Variants in AKAP10 observed in about 807,000 individuals in gnomAD.
AKAP10 encodes the protein A-kinase anchor protein 10, mitochondrial.
A neutral mutation model predicts 80.8 loss-of-function variants in AKAP10; 24 were observed. That is an observed-to-expected ratio of 0.30 (90% CI 0.22 to 0.42). The LOEUF is 0.42. Ranked by LOEUF, AKAP10 falls within the 10% of genes least tolerant of loss-of-function variation. The probability of loss-of-function intolerance (pLI) is 1.00; values close to 1 mark genes in which losing one functional copy is unlikely to be tolerated. For missense variants in AKAP10, 661 were observed against 794.9 expected, an observed-to-expected ratio of 0.83 and a Z score of 2.03; for synonymous variants, 291 against 277.7, an observed-to-expected ratio of 1.05 and a Z score of -0.48.
intron 3 of AKAP10, among the ~76,000 whole-genome samples, chr17:19,960,209 T>C (rs1309743796): frequency 2.0e-5 from 3 of 152,228 alleles, no homozygotes; most frequent in African/African-American, 7.2e-5. Flanking sequence ...TTGTTCAGAT[T>C]TCCCCAGTTT....
At chr17:19,932,967 T>C (rs1210777811) in intron 9 of AKAP10, among the ~76,000 whole-genome samples, 2 of 152,148 alleles carry the variant, frequency 1.3e-5, no homozygotes, top group South Asian at 2.1e-4. Flanking sequence ...TGAGAACTTA[T>C]TCAGTATAAT....
intron 3 of AKAP10, 103 bp from the exon 4 acceptor site, chr17:19,958,674 A>C: frequency 1.0e-6 from 1 of 974,652 alleles, no homozygotes; most frequent in Non-Finnish European, 1.5e-6. Context: ...GAGACCTTGA[A>C]TAAAGTTTAC....
intron 8 of AKAP10, 34 bp from the exon 9 acceptor site, chr17:19,936,464 T>C (rs1248475187): frequency 6.3e-7 from 1 of 1,578,500 alleles, no homozygotes; most frequent in Non-Finnish European, 8.6e-7. Flanking sequence ...TAAAATCAAA[T>C]TCCATAGCAA....
intron 4 of AKAP10, among the ~76,000 whole-genome samples, chr17:19,951,635 C>T (rs559713479): frequency 1.3e-5 from 2 of 152,138 alleles, no homozygotes; most frequent in South Asian, 4.2e-4. Context: ...TATTACCACT[C>T]AGGGTTAAAT....
At position 19,962,948 on chromosome 17, in the gene AKAP10, C is replaced by A; in HGVS notation, c.211G>T (p.Val71Phe). 1 of 1,614,052 alleles carries A rather than the reference C, an allele frequency of 6.2e-7. No homozygotes were observed. The highest frequency in any genetic ancestry group is 8.5e-7 in the Non-Finnish European group (1 of 1,179,952). Reference protein sequence around the residue: ...ALLEAAGPSHVAINAISANMD... With the variant: ...ALLEAAGPSHFAINAISANMD... ...TTGGCAGAAATGGCATTGATTGCAA[C>A]ATGACTTGGTCCTGCAGCCTCCAGC... Residue 71 changes from valine (V) to phenylalanine (F), a missense_variant, in exon 3 of 15, where the codon GTT (valine) becomes TTT (phenylalanine). Coordinates refer to ENST00000225737, the MANE Select transcript of AKAP10 (RefSeq NM_007202.4).
intron 12 of AKAP10, among the ~76,000 whole-genome samples, chr17:19,913,150 ATTG>A (rs1190060432): frequency 1.1e-4 from 12 of 113,752 alleles, no homozygotes; most frequent in African/African-American, 3.8e-4. Context: ...CGCCTGGCTA[ATTG>A]TTTTTTTTTT....
intron 5 of AKAP10, among the ~76,000 whole-genome samples, chr17:19,945,228 G>T (rs1278332387): frequency 8.2e-6 from 1 of 121,908 alleles, no homozygotes; most frequent in East Asian, 2.3e-4. Context: ...TTAAGTAAAA[G>T]AAAGAGAGTT....
intron 5 of AKAP10, among the ~76,000 whole-genome samples, chr17:19,945,118 T>C (rs1234510547): frequency 2.0e-5 from 3 of 152,224 alleles, no homozygotes; most frequent in Non-Finnish European, 4.4e-5. Flanking sequence ...GACACTGGGA[T>C]AGAGGTTTTC....
intron 12 of AKAP10, among the ~76,000 whole-genome samples, chr17:19,912,794 G>T (rs2042704612): frequency 6.6e-6 from 1 of 152,104 alleles, no homozygotes; most frequent in Non-Finnish European, 1.5e-5. Flanking sequence ...GCTAGTAAAT[G>T]ATGAAAATTC....
intron 4 of AKAP10, among the ~76,000 whole-genome samples, chr17:19,955,240 A>G (rs1329345810): frequency 6.6e-6 from 1 of 152,054 alleles, no homozygotes; most frequent in Non-Finnish European, 1.5e-5. Flanking sequence ...AAATAAGAAA[A>G]AAAAAGAGAA....
intron 2 of AKAP10, among the ~76,000 whole-genome samples, chr17:19,966,721 G>C (rs1378202645): frequency 6.6e-6 from 1 of 152,184 alleles, no homozygotes; most frequent in Non-Finnish European, 1.5e-5. Context: ...AACAAATGAA[G>C]AATCTGAAGA....
rs112296708 is a variant in AKAP10 at position 19,956,338 on chromosome 17, C to T, written c.877+1676G>A. Among the ~76,000 whole-genome samples, 31 of 152,172 alleles carry T rather than the reference C, an allele frequency of 2.0e-4. 1 individual carries two copies. Among genetic ancestry groups the T allele is most frequent in the African/African-American group, 6.5e-4 (27 of 41,530 alleles). On this transcript the variant is annotated intron_variant, in intron 4 of 14. Transcript: ENST00000225737. ...GACAAAAGTCCAAGAAACATGTTCA[C>T]GGCCAAAAATCACTAAAATCACAAG...
chr17:19,913,626 C>T (rs1355577054), intron 12 of AKAP10, among the ~76,000 whole-genome samples: 1 of 152,162 alleles, frequency 6.6e-6, no homozygotes, highest in Non-Finnish European at 1.5e-5. Context: ...ATGATATACA[C>T]AGATACATCA....
chr17:19,969,383 A>G (rs1227089141), intron 1 of AKAP10, among the ~76,000 whole-genome samples: 1 of 152,164 alleles, frequency 6.6e-6, no homozygotes, highest in Non-Finnish European at 1.5e-5. Flanking sequence ...CTGTAAAATA[A>G]TCATATAATT....
intron 8 of AKAP10, among the ~76,000 whole-genome samples, chr17:19,938,771 C>T (rs1189206482): frequency 6.6e-6 from 1 of 151,176 alleles, no homozygotes; most frequent in Non-Finnish European, 1.5e-5. Context: ...CACTCTACTG[C>T]CCTGCCCAGG....
Position 19,977,795 on chromosome 17 carries a change from C to T in AKAP10, c.-116G>A, listed in dbSNP as rs2043595242. ...CTCGGGATGCCCAGGCAGCTCCAGCCGCCATATTATCAACAAGCCGCCCGC... is the reference window on the plus strand; with the variant it reads ...CTCGGGATGCCCAGGCAGCTCCAGCTGCCATATTATCAACAAGCCGCCCGC... On this transcript the variant is annotated 5_prime_UTR_variant, in exon 1 of 15. Coordinates refer to ENST00000225737, the MANE Select transcript of AKAP10 (RefSeq NM_007202.4). The T allele has an allele frequency of 3.5e-6, 2 of 569,164 alleles. No individual in the cohort carries two copies. The highest frequency in any genetic ancestry group is 1.9e-5 in the African/African-American group (1 of 51,910). 35.3% of individuals were successfully genotyped at this position (569,164 alleles called of 1,614,324 possible).
At chr17:19,964,026 G>T (rs1161910605) in intron 2 of AKAP10, among the ~76,000 whole-genome samples, 3 of 152,116 alleles carry the variant, frequency 2.0e-5, no homozygotes, top group African/African-American at 7.2e-5. Flanking sequence ...AATAATAGTT[G>T]TGGGAATTAC....
intron 4 of AKAP10, among the ~76,000 whole-genome samples, chr17:19,954,100 G>T (rs1597518054): frequency 2.0e-5 from 3 of 152,128 alleles, no homozygotes; most frequent in Admixed American, 2.0e-4. Flanking sequence ...ATCTAAAGAA[G>T]AAATGACACC....
At chr17:19,931,116 G>A (rs2042927608) in intron 10 of AKAP10, among the ~76,000 whole-genome samples, 1 of 151,954 alleles carries the variant, frequency 6.6e-6, no homozygotes, top group Non-Finnish European at 1.5e-5. Flanking sequence ...CCAGGTTGCA[G>A]CGAGGAGACC....
Sources: gnomAD v4.1 joint callset for allele counts (sites outside exome capture counted in the v4.1 genomes callset) on GRCh38, gnomAD v4.1.1 for gene constraint, MANE v1.5 for transcripts, NCBI Gene and HGNC (gene_info 2026-07-23, HGNC 2026-07-21) for gene names.